PKP2: variants seen among roughly 807,000 people sequenced by gnomAD.
PKP2 encodes the protein plakophilin-2.
A neutral mutation model predicts 83.4 loss-of-function variants in PKP2; 73 were observed. The observed-to-expected ratio is 0.88, with a 90% confidence interval of 0.72 to 1.06. The LOEUF (loss-of-function observed/expected upper bound fraction) is 1.06. PKP2 is among the 50% of genes least tolerant of loss of function. The pLI is 0.00. For missense variants in PKP2, 966 were observed against 1,065.4 expected, an observed-to-expected ratio of 0.91 and a Z score of 1.30; for synonymous variants, 409 against 430.4, an observed-to-expected ratio of 0.95 and a Z score of 0.62.
intron 5 of PKP2, among the ~76,000 whole-genome samples, chr12:32,849,385 A>AATT (rs1362374485): frequency 6.6e-6 from 1 of 152,000 alleles, no homozygotes; most frequent in Non-Finnish European, 1.5e-5. Flanking sequence ...ACACCTGGCT[A>AATT]ATTCTTTATT....
intron 11 of PKP2, among the ~76,000 whole-genome samples, chr12:32,793,887 G>A (rs533687240): frequency 1.6e-4 from 24 of 152,106 alleles, no homozygotes; most frequent in Non-Finnish European, 2.5e-4. Context: ...GAGCCACTGT[G>A]CCCAGCCCAT....
intron 4 of PKP2, among the ~76,000 whole-genome samples, chr12:32,865,732 T>C (rs1956842840): frequency 1.5e-5 from 2 of 134,494 alleles, no homozygotes; most frequent in Non-Finnish European, 1.6e-5. Flanking sequence ...AGTCCAGAAA[T>C]AGACTCACAT....
chr12:32,843,886 G>GA lies in PKP2; in HGVS notation c.1379-2682dup, dbSNP rs1162446263. Among the ~76,000 whole-genome samples, 11 of 151,730 alleles carry GA rather than the reference G, an allele frequency of 7.2e-5. No individual in the cohort carries two copies. The East Asian group carries it at 7.7e-4, about 11-fold the overall frequency. On this transcript the variant is annotated intron_variant, in intron 5 of 12. Coordinates refer to ENST00000340811, the MANE Select transcript of PKP2 (RefSeq NM_001005242.3). The stretch of plus-strand genomic sequence containing the variant: ...AAGTTAGAAAGAAGAGAGAAATGAA[G>GA]AAAAAAAACAAAAGCTTCTTTAGTC...
At chr12:32,876,794 T>C (rs1956936985) in intron 3 of PKP2, among the ~76,000 whole-genome samples, 1 of 152,358 alleles carries the variant, frequency 6.6e-6, no homozygotes, top group South Asian at 2.1e-4. Context: ...CATCCCAAAG[T>C]GCTGGGATTA....
intron 1 of PKP2, among the ~76,000 whole-genome samples, chr12:32,892,714 G>A (rs1421553728): frequency 1.4e-5 from 2 of 147,354 alleles, no homozygotes; most frequent in Non-Finnish European, 3.0e-5. Flanking sequence ...TTTCCAAAGA[G>A]GTTGTAAATA....
chr12:32,884,921 T>C (rs1957017968), intron 1 of PKP2, among the ~76,000 whole-genome samples: 1 of 152,154 alleles, frequency 6.6e-6, no homozygotes, highest in Non-Finnish European at 1.5e-5. Context: ...CAGTGCATAA[T>C]GTGCTTTCGA....
intron 6 of PKP2, among the ~76,000 whole-genome samples, chr12:32,837,598 G>A (rs576576465): frequency 1.3e-5 from 2 of 152,292 alleles, no homozygotes; most frequent in East Asian, 1.9e-4. Flanking sequence ...TTTGGAAGGT[G>A]AAATTCAAAT....
intron 3 of PKP2, among the ~76,000 whole-genome samples, chr12:32,873,481 G>A (rs1446359430): frequency 6.6e-6 from 1 of 151,816 alleles, no homozygotes; most frequent in Admixed American, 6.6e-5. Flanking sequence ...ATTTTTCACT[G>A]CTCCTCTCCT....
chr12:32,801,399 TGA>T (rs1490194840), intron 10 of PKP2, among the ~76,000 whole-genome samples: 2 of 152,254 alleles, frequency 1.3e-5, no homozygotes, highest in Admixed American at 6.5e-5. Flanking sequence ...TTAATAATTC[TGA>T]GAGTGCCTAT....
chr12:32,821,956 C>T (rs1051539866), intron 8 of PKP2: 7 of 240,320 alleles, frequency 2.9e-5, no homozygotes, highest in Admixed American at 5.2e-5. Flanking sequence ...ACAAATACCA[C>T]GATACTCAGA....
At chr12:32,883,502 T>G (rs1276735719) in intron 1 of PKP2, among the ~76,000 whole-genome samples, 1 of 152,140 alleles carries the variant, frequency 6.6e-6, no homozygotes, top group African/African-American at 2.4e-5. Flanking sequence ...ACATATAAAA[T>G]AACTCAGCCA....
intron 5 of PKP2, among the ~76,000 whole-genome samples, chr12:32,848,552 A>G (rs1475883018): frequency 1.3e-5 from 2 of 152,194 alleles, no homozygotes; most frequent in Non-Finnish European, 2.9e-5. Context: ...TCCTAAGCAA[A>G]TTAATGCAAA....
intron 1 of PKP2, chr12:32,893,780 T>G (rs568830274): frequency 2.0e-5 from 3 of 152,342 alleles, no homozygotes; most frequent in Admixed American, 2.0e-4. Context: ...CTCTGTGAAC[T>G]GTGAAATATT....
At chr12:32,798,509 A>C (rs1956152241) in intron 10 of PKP2, among the ~76,000 whole-genome samples, 1 of 152,054 alleles carries the variant, frequency 6.6e-6, no homozygotes, top group African/African-American at 2.4e-5. Flanking sequence ...AAAGGTATTA[A>C]AAAAATAGAC....
intron 9 of PKP2, chr12:32,820,376 A>G (rs1956364762): frequency 6.6e-6 from 1 of 152,228 alleles, no homozygotes; most frequent in Non-Finnish European, 1.5e-5. Flanking sequence ...TAAATCATTA[A>G]ATACTTACAG....
chr12:32,867,163 AC>A (rs1956857408), intron 4 of PKP2, among the ~76,000 whole-genome samples: 1 of 152,162 alleles, frequency 6.6e-6, no homozygotes, highest in African/African-American at 2.4e-5. Context: ...CCCCATCTCT[AC>A]AAAAAATACA....
intron 4 of PKP2, among the ~76,000 whole-genome samples, chr12:32,860,595 G>A (rs370666306): frequency 6.6e-6 from 1 of 152,154 alleles, no homozygotes; most frequent in Non-Finnish European, 1.5e-5. Flanking sequence ...AAAGCATTAG[G>A]ACAAATACCT....
intron 11 of PKP2, among the ~76,000 whole-genome samples, chr12:32,795,142 T>C (rs1956108960): frequency 6.6e-6 from 1 of 152,130 alleles, no homozygotes; most frequent in South Asian, 2.1e-4. Context: ...TCACTCTAAA[T>C]TAACTAATAG....
At chr12:32,808,962 T>C (rs1276150022) in intron 9 of PKP2, among the ~76,000 whole-genome samples, 1 of 152,164 alleles carries the variant, frequency 6.6e-6, no homozygotes, top group Non-Finnish European at 1.5e-5. Context: ...TTTCAGAGGT[T>C]TCTGGAGACC....
Sources: gnomAD v4.1 joint callset for allele counts (sites outside exome capture counted in the v4.1 genomes callset) on GRCh38, gnomAD v4.1.1 for gene constraint, MANE v1.5 for transcripts, NCBI Gene and HGNC (gene_info 2026-07-23, HGNC 2026-07-21) for gene names.